PACS1: variants seen among roughly 807,000 people sequenced by gnomAD.
PACS1 encodes PACS-1.
In PACS1, 24 loss-of-function variants were observed where a neutral mutation model predicts 115.0. The observed-to-expected ratio is 0.21, with a 90% CI of 0.15 to 0.29. The LOEUF (loss-of-function observed/expected upper bound fraction) is 0.29. Ranked by LOEUF, PACS1 falls within the 10% of genes least tolerant of loss-of-function variation. The probability of loss-of-function intolerance (pLI) is 1.00; values close to 1 mark genes in which losing one functional copy is unlikely to be tolerated. For synonymous variants in PACS1, 453 were observed against 504.5 expected, an observed-to-expected ratio of 0.90 and a Z score of 1.37; for missense variants, 838 against 1,251.2, an observed-to-expected ratio of 0.67 and a Z score of 4.98.
chr11:66,164,599 T>C (rs1258615199), intron 1 of PACS1, among the ~76,000 whole-genome samples: 1 of 144,270 alleles, frequency 6.9e-6, no homozygotes, highest in Non-Finnish European at 1.5e-5. Flanking sequence ...TTATATAATA[T>C]ATAATACATA....
chr11:66,172,021 TA>T (rs1458730438), intron 1 of PACS1, among the ~76,000 whole-genome samples: 2 of 152,166 alleles, frequency 1.3e-5, no homozygotes, highest in African/African-American at 4.8e-5. Context: ...TTAAAGGCCC[TA>T]AAAAATGCTT....
chr11:66,229,428 G>A (rs1471420616), intron 11 of PACS1, among the ~76,000 whole-genome samples: 2 of 151,440 alleles, frequency 1.3e-5, no homozygotes, highest in African/African-American at 2.4e-5. Flanking sequence ...GGCTGGGGGC[G>A]GTGGTTCATG....
intron 1 of PACS1, among the ~76,000 whole-genome samples, chr11:66,078,096 CT>C (rs763048756): frequency 1.5e-4 from 23 of 152,176 alleles, no homozygotes; most frequent in Non-Finnish European, 2.9e-4. Flanking sequence ...CGTTCTTCCT[CT>C]TTTCTCCTTG....
chr11:66,242,844 G>A (rs979929106), intron 22 of PACS1, 68 bp from the exon 23 acceptor site: 8 of 1,603,892 alleles, frequency 5.0e-6, no homozygotes, highest in East Asian at 2.2e-5. Context: ...GGGGACAGTC[G>A]GCTGGGGAGG....
intron 1 of PACS1, among the ~76,000 whole-genome samples, chr11:66,134,254 CTTTTTTT>C (rs1162472902): frequency 3.3e-4 from 25 of 75,072 alleles, no homozygotes; most frequent in East Asian, 1.8e-3. Flanking sequence ...TTTTCTTTTT[CTTTTTTT>C]TTTTTTTTTT....
intron 1 of PACS1, among the ~76,000 whole-genome samples, chr11:66,176,415 A>T (rs1419101478): frequency 7.0e-6 from 1 of 143,164 alleles, no homozygotes; most frequent in Non-Finnish European, 1.5e-5. Context: ...TAAGATCCAG[A>T]TTTTTTTTTT....
chr11:66,210,634 C>A (rs951703206), intron 3 of PACS1, among the ~76,000 whole-genome samples, 183 bp downstream of exon 3: 1 of 152,216 alleles, frequency 6.6e-6, no homozygotes, highest in Admixed American at 6.5e-5. Flanking sequence ...TAGCCAGTGA[C>A]GGTAAGGGTG....
chr11:66,118,665 G>A (rs1310799541), intron 1 of PACS1, among the ~76,000 whole-genome samples: 5 of 150,270 alleles, frequency 3.3e-5, no homozygotes, highest in African/African-American at 4.9e-5. Context: ...GGTAGCTCAC[G>A]CCTGTAATCC....
chr11:66,093,618 T>G (rs1857714271), intron 1 of PACS1, among the ~76,000 whole-genome samples: 1 of 147,708 alleles, frequency 6.8e-6, no homozygotes. Context: ...CACCCCACTG[T>G]CAACATTAGA....
chr11:66,116,780 C>T (rs559582831), intron 1 of PACS1, among the ~76,000 whole-genome samples: 1 of 151,914 alleles, frequency 6.6e-6, no homozygotes, highest in African/African-American at 2.4e-5. Flanking sequence ...GTCCCAGCTA[C>T]TCATAAGACT....
At chr11:66,079,068 C>T (rs1296227184) in intron 1 of PACS1, among the ~76,000 whole-genome samples, 8 of 152,062 alleles carry the variant, frequency 5.3e-5, no homozygotes, top group East Asian at 1.9e-4. Context: ...CCACCATGCC[C>T]GACTAATTTT....
At position 66,243,275 on chromosome 11, in the gene PACS1, A is replaced by ACTGTCT. The variant is rs898430306; in HGVS notation, c.2888_2889insTGTCTC. 7.0e-6 allele frequency: 11 copies of ACTGTCT among 1,579,816 alleles called. No homozygotes were observed. Among genetic ancestry groups the ACTGTCT allele is most frequent in the Non-Finnish European group, 9.5e-6 (11 of 1,162,106 alleles). On this transcript the variant is annotated inframe_insertion, in exon 24 of 24. Coordinates refer to ENST00000320580, the MANE Select transcript of PACS1 (RefSeq NM_018026.4). Reference sequence around the variant, plus strand: ...GGGACTCTTCAGTGGCAGCAAGGCCACCTGAGGCCCTGTCTCCCAGCCACT... The same window carrying ACTGTCT: ...GGGACTCTTCAGTGGCAGCAAGGCCACTGTCTCCTGAGGCCCTGTCTCCCAGCCACT...
At chr11:66,143,670 T>G (rs1280947157) in intron 1 of PACS1, among the ~76,000 whole-genome samples, 3 of 152,146 alleles carry the variant, frequency 2.0e-5, no homozygotes, top group African/African-American at 7.2e-5. Flanking sequence ...GACAGAGTCT[T>G]ACTCTGTTGC....
At chr11:66,222,589 CCA>C (rs1855375775) in intron 10 of PACS1, among the ~76,000 whole-genome samples, 1 of 152,104 alleles carries the variant, frequency 6.6e-6, no homozygotes, top group African/African-American at 2.4e-5. Context: ...CCTCCAAAGC[CCA>C]GTGTCTTTTC....
chr11:66,227,634 C>T, intron 11 of PACS1, 50 bp downstream of exon 11: 1 of 1,233,452 alleles, frequency 8.1e-7, no homozygotes, highest in Non-Finnish European at 1.2e-6. Context: ...AGTGTTTGTC[C>T]CTTTAGAAAT....
chr11:66,216,142 C>T lies in PACS1; in HGVS notation c.684C>T (p.Gly228=), dbSNP rs548594376. The change falls in exon 5 of 24, where the codon GGC becomes GGT. Residue 228 remains glycine, a synonymous_variant. Transcript: ENST00000320580. ...AGGTGATGCAGCATCCTAATGAAGG[C>T]GCACTGGTGCTTGGCCTACACAGCA... ...MAEVMQHPNE[G]ALVLGLHSNV... The T allele has an allele frequency of 8.7e-5, 141 of 1,613,892 alleles. 1 individual carries two copies. In the South Asian group the frequency reaches 9.9e-4, roughly 11 times the overall value.
At chr11:66,202,726 G>GGGGAAA (rs1554988658) in intron 2 of PACS1, among the ~76,000 whole-genome samples, 2 of 10,964 alleles carry the variant, frequency 1.8e-4, no homozygotes, top group African/African-American at 4.8e-4. Context: ...TCATCTCTAG[G>GGGGAAA]AAAAAAAAAA....
At chr11:66,123,838 A>G (rs1046593439) in intron 1 of PACS1, among the ~76,000 whole-genome samples, 2 of 151,148 alleles carry the variant, frequency 1.3e-5, no homozygotes, top group Non-Finnish European at 2.9e-5. Context: ...AAATTAAAGT[A>G]TATACTTTTT....
chr11:66,223,048 G>A (rs923745789), intron 10 of PACS1, among the ~76,000 whole-genome samples: 3 of 83,828 alleles, frequency 3.6e-5, no homozygotes, highest in Non-Finnish European at 6.4e-5. Flanking sequence ...AGGAGACCTC[G>A]ATTTACAAAA....
Sources: gnomAD v4.1 joint callset for allele counts (sites outside exome capture counted in the v4.1 genomes callset) on GRCh38, gnomAD v4.1.1 for gene constraint, MANE v1.5 for transcripts, NCBI Gene and HGNC (gene_info 2026-07-23, HGNC 2026-07-21) for gene names.